The following JAKMIP2 variants were observed in gnomAD, a reference collection of about 807,000 sequenced individuals.
The protein encoded by JAKMIP2 is janus kinase and microtubule-interacting protein 2.
In JAKMIP2, 25 loss-of-function variants were observed where a neutral mutation model predicts 115.0. The ratio of observed to expected loss-of-function variants is 0.22; its 90% CI spans 0.16 to 0.30. The LOEUF is 0.30. Among genes scored for constraint, JAKMIP2 ranks in the 10% least tolerant of loss-of-function variants. JAKMIP2 has a pLI of 1.00. For missense variants in JAKMIP2, 642 were observed against 957.6 expected (o/e 0.67, Z 4.35); for synonymous variants, 334 against 343.6 (o/e 0.97, Z 0.31).
At chr5:147,720,247 G>A (rs1309638795) in intron 1 of JAKMIP2, among the ~76,000 whole-genome samples, 1 of 152,116 alleles carries the variant, frequency 6.6e-6, no homozygotes. Context: ...TCCCTTTGAG[G>A]GTAACCCGAC....
At chr5:147,630,124 T>C (rs1020999598) in intron 14 of JAKMIP2, among the ~76,000 whole-genome samples, 17 of 152,160 alleles carry the variant, frequency 1.1e-4, no homozygotes, top group African/African-American at 3.9e-4. Flanking sequence ...TGATAGGCTT[T>C]CAGGTATAAA....
At chr5:147,601,403 C>T (rs1755687190) in intron 21 of JAKMIP2, among the ~76,000 whole-genome samples, 1 of 151,942 alleles carries the variant, frequency 6.6e-6, no homozygotes. Flanking sequence ...CTACCCTGGG[C>T]AACAAAGTGA....
intron 5 of JAKMIP2, among the ~76,000 whole-genome samples, chr5:147,647,513 A>C (rs1758186858): frequency 6.6e-6 from 1 of 152,194 alleles, no homozygotes; most frequent in Non-Finnish European, 1.5e-5. Context: ...AGGCAGCATA[A>C]CAGAAAATGG....
Position 147,637,099 on chromosome 5 carries a change from C to G in JAKMIP2, c.1531-51G>C, listed in dbSNP as rs749434455. On this transcript the variant is annotated intron_variant, in intron 10 of 21. Transcript: ENST00000616793. ...CAGCAAGTAAAATGGTTATTCAATACCTTTCTTGACTAGAACTCAACAAGT... is the reference window on the plus strand; with the variant it reads ...CAGCAAGTAAAATGGTTATTCAATAGCTTTCTTGACTAGAACTCAACAAGT... 4 of 824,362 alleles carry G rather than the reference C, an allele frequency of 4.9e-6. No individual in the cohort carries two copies. The African/African-American group carries it at 6.8e-5, about 14-fold the overall frequency. 51.1% of individuals were successfully genotyped at this position (824,362 alleles called of 1,614,324 possible).
At chr5:147,634,093 A>G (rs1561504354) in intron 12 of JAKMIP2, among the ~76,000 whole-genome samples, 1 of 152,198 alleles carries the variant, frequency 6.6e-6, no homozygotes, top group Non-Finnish European at 1.5e-5. Context: ...TACAGTAACT[A>G]TTTAAAATCT....
At chr5:147,697,686 G>A (rs67302609) in intron 1 of JAKMIP2, among the ~76,000 whole-genome samples, 45,378 of 152,196 alleles carry the variant, frequency 0.3, 8,215 homozygotes, top group East Asian at 0.51. Flanking sequence ...CAAGGATGCA[G>A]ATCCTAAACC....
intron 1 of JAKMIP2, among the ~76,000 whole-genome samples, chr5:147,751,390 G>T (rs547104706): frequency 2.4e-4 from 36 of 152,000 alleles, no homozygotes; most frequent in African/African-American, 8.4e-4. Flanking sequence ...GAGCCAGCAT[G>T]CCCGACATGG....
chr5:147,593,821 C>A (rs1052202289), intron 21 of JAKMIP2, among the ~76,000 whole-genome samples: 2 of 152,140 alleles, frequency 1.3e-5, no homozygotes, highest in African/African-American at 4.8e-5. Flanking sequence ...ACACAACATT[C>A]TCCTATTCCA....
At chr5:147,744,673 A>T (rs1329265267) in intron 1 of JAKMIP2, among the ~76,000 whole-genome samples, 2 of 152,208 alleles carry the variant, frequency 1.3e-5, no homozygotes, top group African/African-American at 4.8e-5. Flanking sequence ...AAAGATTGGT[A>T]CAAAAATATA....
Position 147,720,485 on chromosome 5 carries a change from C to G in JAKMIP2, c.-148-48531G>C, listed in dbSNP as rs1482566082. Among the ~76,000 whole-genome samples the G allele has an allele frequency of 9.5e-5, 14 of 147,684 alleles. No individual in the cohort carries two copies. The South Asian group carries it at 1.8e-3, about 19-fold the overall frequency. On this transcript the variant is annotated intron_variant, in intron 1 of 21. Transcript: ENST00000616793. ...ATTCTCCCCATCACTTTCAGGTACA[C>G]CAATCAGACGTAGATTTGGTCTTTT...
chr5:147,644,674 T>C (rs1313956535), intron 6 of JAKMIP2, among the ~76,000 whole-genome samples, 176 bp downstream of exon 6: 1 of 152,220 alleles, frequency 6.6e-6, no homozygotes, highest in Non-Finnish European at 1.5e-5. Flanking sequence ...AGAAACCTCA[T>C]AAAATTCAGA....
chr5:147,671,487 T>C (rs932368876), intron 2 of JAKMIP2, among the ~76,000 whole-genome samples, 191 bp downstream of exon 2: 17 of 152,248 alleles, frequency 1.1e-4, no homozygotes, highest in Admixed American at 1.0e-3. Context: ...CTATTTTCAC[T>C]TTCTGTGTGT....
intron 1 of JAKMIP2, among the ~76,000 whole-genome samples, chr5:147,681,032 C>T (rs191742760): frequency 6.6e-6 from 1 of 152,258 alleles, no homozygotes; most frequent in African/African-American, 2.4e-5. Context: ...TTTATCACAT[C>T]ATCATAATAG....
intron 6 of JAKMIP2, 129 bp from the exon 7 acceptor site, chr5:147,644,327 C>T (rs756145906): frequency 1.5e-6 from 1 of 683,072 alleles, no homozygotes; most frequent in Non-Finnish European, 2.4e-6. Flanking sequence ...CCTGAATACA[C>T]ATACACCAAC....
chr5:147,621,133 C>A (rs112350742), intron 17 of JAKMIP2, among the ~76,000 whole-genome samples: 1,752 of 152,240 alleles, frequency 0.012, 32 homozygotes, highest in African/African-American at 0.039. Flanking sequence ...ACAAGTTTAA[C>A]TGATTCAAAT....
intron 1 of JAKMIP2, among the ~76,000 whole-genome samples, chr5:147,753,789 T>C (rs1469132167): frequency 6.6e-6 from 1 of 151,618 alleles, no homozygotes; most frequent in Non-Finnish European, 1.5e-5. Flanking sequence ...TAACACATTG[T>C]GCCTATGTGC....
intron 1 of JAKMIP2, among the ~76,000 whole-genome samples, chr5:147,767,842 T>C (rs1449569568): frequency 6.6e-6 from 1 of 152,204 alleles, no homozygotes; most frequent in Admixed American, 6.5e-5. Flanking sequence ...TTCAGTCTTA[T>C]ACTCTGTTTT....
chr5:147,702,326 G>A (rs1038003610), intron 1 of JAKMIP2, among the ~76,000 whole-genome samples: 2 of 113,712 alleles, frequency 1.8e-5, no homozygotes, highest in Admixed American at 1.1e-4. Context: ...GGGGGGTGAC[G>A]GATAAAAGAC....
Position 147,661,189 on chromosome 5 carries a change from A to T in JAKMIP2, c.386T>A (p.Val129Glu), listed in dbSNP as rs1299129412. 1 of 1,613,890 alleles carries T rather than the reference A, an allele frequency of 6.2e-7. No individual in the cohort carries two copies. Reference protein sequence around the residue: ...CALRDGSSDKVRTALTIEARE... With the variant: ...CALRDGSSDKERTALTIEARE... ...GGCCTCAATGGTGAGCGCTGTCCTT[A>T]CTTTGTCACTGCTGCCGTCGCGGAG... Residue 129 changes from valine to glutamate, a missense_variant, in exon 3 of 22, where the codon GTA (valine) becomes GAA (glutamate). Coordinates refer to ENST00000616793, the MANE Select transcript of JAKMIP2 (RefSeq NM_001270941.2).
Sources: gnomAD v4.1 joint callset for allele counts (sites outside exome capture counted in the v4.1 genomes callset) on GRCh38, gnomAD v4.1.1 for gene constraint, MANE v1.5 for transcripts, NCBI Gene and HGNC (gene_info 2026-07-23, HGNC 2026-07-21) for gene names.